The following CSMD1 variants were observed in gnomAD, a reference collection of about 807,000 sequenced individuals.
CSMD1 encodes CUB and sushi domain-containing protein 1.
A neutral mutation model predicts 417.5 loss-of-function variants in CSMD1; 213 were observed. That is an observed-to-expected ratio of 0.51 (90% CI 0.46 to 0.57). CSMD1 has a LOEUF of 0.57. Among genes scored for constraint, CSMD1 ranks in the 20% least tolerant of loss-of-function variants. The probability of loss-of-function intolerance (pLI) is 0.00; values close to 1 mark genes in which losing one functional copy is unlikely to be tolerated. For synonymous variants in CSMD1, 2,862 were observed against 1,736.8 expected (o/e 1.65, Z -16.11); for missense variants, 6,923 against 4,529.7 (o/e 1.53, Z -15.17).
intron 41 of CSMD1, among the ~76,000 whole-genome samples, chr8:3,119,651 C>G (rs1817082054): frequency 6.6e-6 from 1 of 152,172 alleles, no homozygotes; most frequent in African/African-American, 2.4e-5. Flanking sequence ...GCCTCTCGCC[C>G]ACTCTGGGAA....
chr8:3,171,447 G>C (rs967203900), intron 37 of CSMD1, among the ~76,000 whole-genome samples: 2 of 152,088 alleles, frequency 1.3e-5, no homozygotes, highest in Admixed American at 6.5e-5. Context: ...CCTGTGTCTA[G>C]AGCCTTGATC....
intron 5 of CSMD1, among the ~76,000 whole-genome samples, chr8:3,987,633 AG>A (rs1391978847): frequency 2.0e-5 from 3 of 152,198 alleles, no homozygotes; most frequent in African/African-American, 7.2e-5. Context: ...AAGGATGAGT[AG>A]GGCTTTGCTG....
intron 26 of CSMD1, among the ~76,000 whole-genome samples, chr8:3,268,287 CTATTTTTT>C (rs1346614829): frequency 1.4e-4 from 16 of 114,662 alleles, no homozygotes; most frequent in East Asian, 5.1e-4. Context: ...GGTTCATTTC[CTATTTTTT>C]TTTTTTTTTT....
intron 29 of CSMD1, among the ~76,000 whole-genome samples, chr8:3,217,312 G>C (rs1341906996): frequency 6.6e-6 from 1 of 152,340 alleles, no homozygotes; most frequent in African/African-American, 2.4e-5. Context: ...AGGAACTACA[G>C]CCTCCAGTTA....
intron 2 of CSMD1, among the ~76,000 whole-genome samples, chr8:4,461,744 T>TTTA (rs1799838754): frequency 2.3e-5 from 3 of 132,866 alleles, no homozygotes; most frequent in Non-Finnish European, 3.2e-5. Context: ...TTTACTTATT[T>TTTA]TTTTTTTTTT....
intron 1 of CSMD1, among the ~76,000 whole-genome samples, chr8:4,819,840 G>C (rs759362216): frequency 2.6e-5 from 4 of 152,124 alleles, no homozygotes; most frequent in Admixed American, 1.3e-4. Context: ...AACCAGAAGA[G>C]CAAACGAGTG....
At chr8:4,761,126 G>C (rs1812013450) in intron 1 of CSMD1, among the ~76,000 whole-genome samples, 1 of 152,008 alleles carries the variant, frequency 6.6e-6, no homozygotes, top group Non-Finnish European at 1.5e-5. Flanking sequence ...ATATGCAAAA[G>C]AGTCTTCTAC....
At position 4,833,046 on chromosome 8, in the gene CSMD1, C is replaced by G. The variant is rs114928697; in HGVS notation, c.85+161286G>C. The stretch of plus-strand genomic sequence containing the variant: ...ACTTCAATAGCTTACATTAGAACAT[C>G]TTATGCGGAAAGTATATACCACTTG... On this transcript the variant is annotated intron_variant, in intron 1 of 69. Coordinates refer to ENST00000635120, the MANE Select transcript of CSMD1 (RefSeq NM_033225.6). Among the ~76,000 whole-genome samples, 909 of 152,238 alleles carry G rather than the reference C, an allele frequency of 6.0e-3. 11 individuals are homozygous for G. Among genetic ancestry groups the G allele is most frequent in the African/African-American group, 0.021 (881 of 41,542 alleles).
At chr8:3,306,211 C>A (rs1042584772) in intron 25 of CSMD1, among the ~76,000 whole-genome samples, 14 of 151,782 alleles carry the variant, frequency 9.2e-5, no homozygotes, top group African/African-American at 3.4e-4. Flanking sequence ...CATTACTAAG[C>A]TTGATAGGGT....
At chr8:3,033,013 G>C (rs184661212) in intron 50 of CSMD1, among the ~76,000 whole-genome samples, 10 of 152,136 alleles carry the variant, frequency 6.6e-5, no homozygotes, top group African/African-American at 2.4e-4. Flanking sequence ...ACGGCAACTT[G>C]ACACTTCTGA....
At chr8:3,063,132 T>C (rs1812693280) in intron 49 of CSMD1, among the ~76,000 whole-genome samples, 1 of 152,204 alleles carries the variant, frequency 6.6e-6, no homozygotes, top group East Asian at 1.9e-4. Context: ...AAGGATTTTA[T>C]GCACGCTCTT....
chr8:4,441,802 A>G (rs148394208), intron 2 of CSMD1, among the ~76,000 whole-genome samples: 374 of 152,248 alleles, frequency 2.5e-3, no homozygotes, highest in African/African-American at 8.4e-3. Context: ...GATAAATCAA[A>G]TAAGGTTCAA....
rs151183276 is a variant in CSMD1, at chr8:3,021,734, A to C, written c.7856-3084T>G. ...TGGAATGCACCTGCAATCCCGCAGC[A>C]TCTGGAATGCACCTGCAATCCCACA... On this transcript the variant is annotated intron_variant, in intron 51 of 69. Coordinates refer to ENST00000635120, the MANE Select transcript of CSMD1 (RefSeq NM_033225.6). Among the ~76,000 whole-genome samples, 171 of 117,598 alleles carry C rather than the reference A, an allele frequency of 1.5e-3. 1 individual carries two copies. The highest frequency in any genetic ancestry group is 4.6e-3 in the African/African-American group (166 of 35,950). The allele number at this position is 117,598 out of a possible 152,430, so 77.1% of individuals were successfully genotyped here. A position where few individuals can be genotyped will look rare whatever the true frequency, so the allele number is the denominator to read the frequency against.
intron 3 of CSMD1, among the ~76,000 whole-genome samples, chr8:4,263,558 A>C (rs138490187): frequency 2.5e-3 from 382 of 152,254 alleles, no homozygotes; most frequent in African/African-American, 8.9e-3. Context: ...TCTTTCTTGG[A>C]AAGTCATAAT....
At chr8:3,748,791 T>A (rs746383495) in intron 6 of CSMD1, among the ~76,000 whole-genome samples, 3 of 152,236 alleles carry the variant, frequency 2.0e-5, no homozygotes, top group African/African-American at 7.2e-5. Context: ...GGTCTTCATT[T>A]TAATTAAAAG....
intron 27 of CSMD1, among the ~76,000 whole-genome samples, chr8:3,226,113 T>C (rs548786280): frequency 6.6e-6 from 1 of 152,322 alleles, no homozygotes; most frequent in East Asian, 1.9e-4. Flanking sequence ...TTGGGGGCGA[T>C]AAATATTTTC....
chr8:4,423,498 G>T (rs573802457), intron 2 of CSMD1, among the ~76,000 whole-genome samples: 1 of 152,048 alleles, frequency 6.6e-6, no homozygotes, highest in East Asian at 1.9e-4. Flanking sequence ...AATAAGATAA[G>T]CCCAACAGTG....
chr8:4,105,433 T>A (rs1224913713), intron 3 of CSMD1, among the ~76,000 whole-genome samples: 1 of 152,202 alleles, frequency 6.6e-6, no homozygotes, highest in Admixed American at 6.5e-5. Flanking sequence ...GGACACTGGT[T>A]AAACTCATTA....
At chr8:4,092,264 G>C (rs757724021) in intron 3 of CSMD1, among the ~76,000 whole-genome samples, 3 of 152,088 alleles carry the variant, frequency 2.0e-5, no homozygotes, top group East Asian at 3.9e-4. Context: ...CCATTAATTT[G>C]TTCCAACCAA....
Sources: gnomAD v4.1 joint callset for allele counts (sites outside exome capture counted in the v4.1 genomes callset) on GRCh38, gnomAD v4.1.1 for gene constraint, MANE v1.5 for transcripts, NCBI Gene and HGNC (gene_info 2026-07-23, HGNC 2026-07-21) for gene names.